The following LUZP2 variants were observed in gnomAD, a reference collection of about 807,000 sequenced individuals.
The protein encoded by LUZP2 is leucine zipper protein 2.
In LUZP2, 52 loss-of-function variants were observed where a neutral mutation model predicts 51.6. The observed-to-expected ratio is 1.01, with a 90% CI of 0.81 to 1.27. LUZP2 has a LOEUF of 1.27. LUZP2 is among the 50% of genes most tolerant of loss of function. The probability of loss-of-function intolerance (pLI) is 0.00; values close to 1 mark genes in which losing one functional copy is unlikely to be tolerated. For missense variants in LUZP2, 436 were observed against 395.4 expected (o/e 1.10, Z -0.87); for synonymous variants, 154 against 137.3 (o/e 1.12, Z -0.85).
intron 1 of LUZP2, among the ~76,000 whole-genome samples, chr11:24,612,564 T>C (rs1854156865): frequency 6.6e-6 from 1 of 152,082 alleles, no homozygotes. Context: ...GGTTTGGATT[T>C]AGATCTCAAC....
At chr11:24,863,194 T>C (rs892232005) in intron 5 of LUZP2, among the ~76,000 whole-genome samples, 9 of 152,176 alleles carry the variant, frequency 5.9e-5, no homozygotes, top group African/African-American at 2.2e-4. Context: ...AACAACTCTA[T>C]TCCTAAATAT....
intron 1 of LUZP2, among the ~76,000 whole-genome samples, chr11:24,551,531 G>A (rs114917428): frequency 0.021 from 3,266 of 152,016 alleles, 101 homozygotes; most frequent in South Asian, 0.06. Flanking sequence ...TAATGGTTGT[G>A]CAATTCTGAT....
chr11:24,850,772 TG>T (rs1195230827), intron 5 of LUZP2, among the ~76,000 whole-genome samples: 4 of 152,224 alleles, frequency 2.6e-5, no homozygotes, highest in Non-Finnish European at 5.9e-5. Context: ...TTTTTCCATT[TG>T]TTTGTGTCCT....
chr11:25,013,088 G>A (rs186861505), intron 9 of LUZP2, among the ~76,000 whole-genome samples: 2 of 152,190 alleles, frequency 1.3e-5, no homozygotes, highest in African/African-American at 2.4e-5. Context: ...GGATGAAACC[G>A]GTTGTCATTA....
intron 5 of LUZP2, among the ~76,000 whole-genome samples, chr11:24,859,376 C>G (rs1486673): frequency 0.99 from 150,412 of 152,276 alleles, 74,303 homozygotes; most frequent in East Asian, 1. Context: ...ATTTCTCCCA[C>G]TTTAAACCAT....
At chr11:24,943,530 G>A (rs1429435784) in intron 7 of LUZP2, among the ~76,000 whole-genome samples, 3 of 152,070 alleles carry the variant, frequency 2.0e-5, no homozygotes, top group South Asian at 2.1e-4. Flanking sequence ...ACTATAAGCT[G>A]CTATTCTGGG....
At position 25,015,697 on chromosome 11, in the gene LUZP2, G is replaced by T. The variant is rs79369653; in HGVS notation, c.765+32404G>T. Among the ~76,000 whole-genome samples the T allele has an allele frequency of 6.8e-3, 1,027 of 151,986 alleles. 35 individuals carry two copies. The East Asian group carries it at 0.099, about 15-fold the overall frequency. On this transcript the variant is annotated intron_variant, in intron 9 of 11. Coordinates refer to ENST00000336930, the MANE Select transcript of LUZP2 (RefSeq NM_001009909.4). ...TGCCAACATCCCACCAGGAATACAT[G>T]GTATCTACATGTATTCCTAAATGGA...
At chr11:24,794,416 T>A (rs1428895668) in intron 5 of LUZP2, among the ~76,000 whole-genome samples, 1 of 152,128 alleles carries the variant, frequency 6.6e-6, no homozygotes, top group Non-Finnish European at 1.5e-5. Context: ...ATCCTGATGG[T>A]GTCCAACAGT....
intron 4 of LUZP2, among the ~76,000 whole-genome samples, chr11:24,758,935 AT>A (rs1451196014): frequency 2.0e-5 from 3 of 152,128 alleles, no homozygotes; most frequent in Non-Finnish European, 4.4e-5. Context: ...AAAAAGATGT[AT>A]ATCTGAAAAA....
At chr11:24,735,823 G>A (rs767670114) in intron 3 of LUZP2, among the ~76,000 whole-genome samples, 1 of 151,938 alleles carries the variant, frequency 6.6e-6, no homozygotes, top group Non-Finnish European at 1.5e-5. Context: ...CAGAGCCCTA[G>A]AATAGCAGAT....
chr11:24,998,865 T>TA, intron 9 of LUZP2, among the ~76,000 whole-genome samples: 1 of 152,302 alleles, frequency 6.6e-6, no homozygotes, highest in South Asian at 2.1e-4. Context: ...CTGTCATGCA[T>TA]GCAGTCGATA....
Position 24,683,088 on chromosome 11 carries a change from G to A in LUZP2, c.63-46081G>A, listed in dbSNP as rs536187549. Among the ~76,000 whole-genome samples the A allele has an allele frequency of 2.0e-5, 3 of 152,310 alleles. No individual in the cohort carries two copies. The East Asian group carries it at 5.8e-4, about 29-fold the overall frequency. Reference sequence around the variant, plus strand: ...ACTACTCAGGAGATGGCAGATTAAAGATCTTTCCAAGCTTTTCAGTTTTCC... The same window carrying A: ...ACTACTCAGGAGATGGCAGATTAAAAATCTTTCCAAGCTTTTCAGTTTTCC... On this transcript the variant is annotated intron_variant, in intron 1 of 11. Transcript: ENST00000336930.
At chr11:24,605,008 C>T (rs915449362) in intron 1 of LUZP2, among the ~76,000 whole-genome samples, 22 of 151,722 alleles carry the variant, frequency 1.5e-4, no homozygotes, top group Non-Finnish European at 1.3e-4. Context: ...CTTCCAAACA[C>T]GGCTGGATAT....
chr11:24,963,631 CG>C (rs1855488827), intron 7 of LUZP2, among the ~76,000 whole-genome samples: 2 of 152,118 alleles, frequency 1.3e-5, no homozygotes, highest in East Asian at 1.9e-4. Flanking sequence ...GCGCAGTATT[CG>C]GGTGGGAGTG....
At chr11:24,904,994 T>TA (rs1302019369) in intron 5 of LUZP2, among the ~76,000 whole-genome samples, 3 of 152,024 alleles carry the variant, frequency 2.0e-5, no homozygotes, top group African/African-American at 7.3e-5. Flanking sequence ...AGACTTTCAG[T>TA]AAAAAATGAT....
Position 24,716,522 on chromosome 11 carries a change from G to A in LUZP2, c.63-12647G>A, listed in dbSNP as rs142433597. Among the ~76,000 whole-genome samples, 91 of 152,260 alleles carry A rather than the reference G, an allele frequency of 6.0e-4. 1 individual carries two copies. Among genetic ancestry groups the A allele is most frequent in the African/African-American group, 2.0e-3 (85 of 41,552 alleles). On this transcript the variant is annotated intron_variant, in intron 1 of 11. Coordinates refer to ENST00000336930, the MANE Select transcript of LUZP2 (RefSeq NM_001009909.4). ...CAAGAAGGGTTCCAAGAATGAGGAG[G>A]ACAAGTCACAGGGTACAGGAGCCTG... is the stretch of plus-strand genomic sequence containing the variant.
intron 1 of LUZP2, among the ~76,000 whole-genome samples, chr11:24,602,160 A>ATATATGTGTATATATATGTGTATATATG (rs1853709185): frequency 5.7e-5 from 5 of 88,492 alleles, no homozygotes; most frequent in African/African-American, 1.9e-4. Context: ...GTATATATGT[A>ATATATGTGTATATATATGTGTATATATG]TATATGTGTA....
intron 1 of LUZP2, among the ~76,000 whole-genome samples, chr11:24,681,068 G>A (rs1317003489): frequency 6.7e-6 from 1 of 150,084 alleles, no homozygotes; most frequent in Non-Finnish European, 1.5e-5. Context: ...TGCAAGCTCC[G>A]CTTCCCGGGT....
rs1236684059 is a variant in LUZP2, at chr11:24,971,880, T to C, written c.523-4711T>C. 2.6e-5 allele frequency among the ~76,000 whole-genome samples: 4 copies of C among 152,026 alleles called. No homozygotes were observed. In the South Asian group the frequency reaches 8.3e-4, roughly 32 times the overall value. On this transcript the variant is annotated intron_variant, in intron 7 of 11. Transcript: ENST00000336930. ...CATGGCCAGGTGCAGTGGCTCATGC[T>C]TGTAATCCCAGCTCTTTGGGAGGCT...
Sources: gnomAD v4.1 joint callset for allele counts (sites outside exome capture counted in the v4.1 genomes callset) on GRCh38, gnomAD v4.1.1 for gene constraint, MANE v1.5 for transcripts, NCBI Gene and HGNC (gene_info 2026-07-23, HGNC 2026-07-21) for gene names.